Variants in SNRPA1 observed in about 807,000 individuals in gnomAD.
SNRPA1 encodes the protein U2 small nuclear ribonucleoprotein A'.
Under a neutral mutation model 32.3 loss-of-function variants are expected in SNRPA1, and 5 were observed. That is an observed-to-expected ratio of 0.15 (90% CI 0.08 to 0.33). The LOEUF is 0.33. Among genes scored for constraint, SNRPA1 ranks in the 10% least tolerant of loss-of-function variants. The pLI is 1.00. For missense variants in SNRPA1, 198 were observed against 311.1 expected, an observed-to-expected ratio of 0.64 and a Z score of 2.74; for synonymous variants, 111 against 120.1, an observed-to-expected ratio of 0.92 and a Z score of 0.50.
chr15:101,281,608 GCA>G lies in SNRPA1; in HGVS notation c.*114_*115del. On this transcript the variant is annotated 3_prime_UTR_variant, in exon 9 of 9. Transcript: ENST00000254193. ...ACAAAATTATCAGCAGCAGTCTTAA[GCA>G]TTTCAACAATGCTGATAGATTCCAC... 1.4e-6 allele frequency: 1 copy of G among 736,210 alleles called. No homozygotes were observed. The highest frequency in any genetic ancestry group is 2.4e-6 in the Non-Finnish European group (1 of 410,168). The allele number at this position is 736,210 out of a possible 1,614,324, so 45.6% of individuals were successfully genotyped here. A position where few individuals can be genotyped will look rare whatever the true frequency, so the allele number is the denominator to read the frequency against.
intron 5 of SNRPA1, chr15:101,286,537 A>T (rs2039456461): frequency 2.0e-6 from 1 of 502,772 alleles, no homozygotes; most frequent in African/African-American, 1.9e-5. Flanking sequence ...AATTAAATGA[A>T]TAATAAAATA....
intron 6 of SNRPA1, 180 bp downstream of exon 6, chr15:101,286,034 G>A: frequency 1.5e-6 from 1 of 648,404 alleles, no homozygotes; most frequent in Admixed American, 2.9e-5. Flanking sequence ...GCTCTGCTAA[G>A]CTGGTAGAAA....
intron 3 of SNRPA1, among the ~76,000 whole-genome samples, chr15:101,291,454 T>C (rs2039524991): frequency 6.6e-6 from 1 of 152,202 alleles, no homozygotes; most frequent in South Asian, 2.1e-4. Flanking sequence ...TAATATGCCA[T>C]TTAACTTATT....
chr15:101,294,591 G>A (rs2039566033), intron 1 of SNRPA1, among the ~76,000 whole-genome samples: 1 of 152,210 alleles, frequency 6.6e-6, no homozygotes, highest in South Asian at 2.1e-4. Context: ...GGAAACGCCA[G>A]ACAATTAAAG....
At chr15:101,288,123 G>A (rs2039475838) in intron 3 of SNRPA1, 1 of 171,404 alleles carries the variant, frequency 5.8e-6, no homozygotes. Context: ...AAGGTATACT[G>A]TCTTTTGAAA....
chr15:101,290,111 G>T (rs1264292747), intron 3 of SNRPA1, among the ~76,000 whole-genome samples: 1 of 151,908 alleles, frequency 6.6e-6, no homozygotes, highest in African/African-American at 2.4e-5. Flanking sequence ...GAGATCGAGG[G>T]TCACAACATA....
chr15:101,281,681 A>G lies in SNRPA1; in HGVS notation c.*43T>C, dbSNP rs755614074. ...TATTATACCATGTTCGAAAAGCAAGACTTGTTCCAAGAGGGCCTATTATTA... is the reference window on the plus strand; with the variant it reads ...TATTATACCATGTTCGAAAAGCAAGGCTTGTTCCAAGAGGGCCTATTATTA... On this transcript the variant is annotated 3_prime_UTR_variant, in exon 9 of 9. Transcript: ENST00000254193. The G allele has an allele frequency of 1.4e-6, 2 of 1,461,774 alleles. No homozygotes were observed. Among genetic ancestry groups the G allele is most frequent in the South Asian group, 1.1e-5 (1 of 88,008 alleles). The allele number at this position is 1,461,774 out of a possible 1,614,324, so 90.6% of individuals were successfully genotyped here.
intron 3 of SNRPA1, among the ~76,000 whole-genome samples, chr15:101,290,078 C>G (rs2039504853): frequency 6.6e-6 from 1 of 152,030 alleles, no homozygotes; most frequent in South Asian, 2.1e-4. Context: ...GTAAAAGAAA[C>G]CTCAAGGTAA....
In SNRPA1 at chr15:101,285,072, A is replaced by C. The variant is rs1346646335; in HGVS notation, c.616-12T>G. On this transcript the variant is annotated splice_polypyrimidine_tract_variant and intron_variant, in intron 7 of 8. Coordinates refer to ENST00000254193, the MANE Select transcript of SNRPA1 (RefSeq NM_003090.4). ...TTTGCTATGGCATTCTGGAGGACAG[A>C]GGGCAATGGAGATGGATGATTAACT... 1.9e-6 allele frequency: 3 copies of C among 1,594,816 alleles called. No homozygotes were observed. The highest frequency in any genetic ancestry group is 1.7e-5 in the Admixed American group (1 of 59,974).
Position 101,292,807 on chromosome 15 carries a change from T to C in SNRPA1, c.230+218A>G, listed in dbSNP as rs372572966. ...TGCCAGGTTAATCTCTGGATCTCTA[T>C]AGGAAAAGTGAAGTTCATTTCTCAT... On this transcript the variant is annotated intron_variant, in intron 2 of 8. Transcript: ENST00000254193. 21 of 334,360 alleles carry C rather than the reference T, an allele frequency of 6.3e-5. 3 individuals carry two copies. Among genetic ancestry groups the C allele is most frequent in the Admixed American group, 4.7e-5 (1 of 21,126 alleles). 20.7% of individuals were successfully genotyped at this position (334,360 alleles called of 1,614,324 possible).
At chr15:101,282,651 G>A (rs988614694) in intron 8 of SNRPA1, among the ~76,000 whole-genome samples, 2 of 151,952 alleles carry the variant, frequency 1.3e-5, no homozygotes, top group African/African-American at 2.4e-5. Flanking sequence ...ACATGATTTC[G>A]TATCATTTGG....
chr15:101,294,095 C>A (rs970117149), intron 1 of SNRPA1, among the ~76,000 whole-genome samples: 1 of 152,132 alleles, frequency 6.6e-6, no homozygotes, highest in African/African-American at 2.4e-5. Flanking sequence ...ATTAGCCGGG[C>A]GTGGTGGCGC....
rs761240977 is a variant in SNRPA1, at chr15:101,284,956, C to A, written c.709+11G>T. 2.5e-6 allele frequency: 4 copies of A among 1,599,110 alleles called. No individual in the cohort carries two copies. Among genetic ancestry groups the A allele is most frequent in the Non-Finnish European group, 3.4e-6 (4 of 1,166,580 alleles). On this transcript the variant is annotated intron_variant, in intron 8 of 8. Coordinates refer to ENST00000254193, the MANE Select transcript of SNRPA1 (RefSeq NM_003090.4). The stretch of plus-strand genomic sequence containing the variant: ...ATTAATTTGAACATACAAAGAACAC[C>A]ATTTGTTCACCTGATCTGCGTTCTC...
intron 4 of SNRPA1, among the ~76,000 whole-genome samples, 175 bp from the exon 5 acceptor site, chr15:101,287,185 CTTT>C (rs1208480377): frequency 6.6e-6 from 1 of 151,640 alleles, no homozygotes; most frequent in Non-Finnish European, 1.5e-5. Flanking sequence ...GTAAAAGGCA[CTTT>C]TTTTTTAAAT....
At chr15:101,285,166 A>C in intron 7 of SNRPA1, 106 bp from the exon 8 acceptor site, 2 of 739,724 alleles carry the variant, frequency 2.7e-6, no homozygotes, top group Non-Finnish European at 4.8e-6. Context: ...CAACTTCTCC[A>C]TCAGGAACAT....
At chr15:101,291,861 G>A in intron 3 of SNRPA1, 101 bp downstream of exon 3, 1 of 697,700 alleles carries the variant, frequency 1.4e-6, no homozygotes, top group Admixed American at 2.4e-5. Flanking sequence ...ACAAGAAAGA[G>A]GATACTGAGA....
At position 101,285,718 on chromosome 15, in the gene SNRPA1, A is replaced by T; in HGVS notation, c.615+8T>A. The T allele has an allele frequency of 6.2e-7, 1 of 1,604,362 alleles. No homozygotes were observed. The highest frequency in any genetic ancestry group is 1.3e-5 in the African/African-American group (1 of 74,826). On this transcript the variant is annotated splice_region_variant and intron_variant, in intron 7 of 8. Coordinates refer to ENST00000254193, the MANE Select transcript of SNRPA1 (RefSeq NM_003090.4). ...CATTCCAGTCCAAGAATCCTAACAC[A>T]TGATTACCTTGATTGCTTCTACATC... is the stretch of plus-strand genomic sequence containing the variant.
intron 1 of SNRPA1, 185 bp downstream of exon 1, chr15:101,294,912 C>T (rs1350871624): frequency 2.2e-6 from 1 of 461,060 alleles, no homozygotes; most frequent in East Asian, 3.6e-5. Flanking sequence ...CTCCCAGGAG[C>T]TTAACCGGAT....
intron 5 of SNRPA1, chr15:101,286,692 C>T (rs1173027059): frequency 6.0e-6 from 3 of 496,860 alleles, no homozygotes; most frequent in East Asian, 3.5e-5. Flanking sequence ...TTGCGAACTT[C>T]GGAATAGCCA....
Sources: allele counts gnomAD v4.1 joint callset (sites outside exome capture counted in the v4.1 genomes callset), GRCh38; gene constraint gnomAD v4.1.1; transcripts MANE v1.5; gene names NCBI Gene and HGNC (gene_info 2026-07-23, HGNC 2026-07-21).